The following TLCD3A variants were observed in gnomAD, a reference collection of about 807,000 sequenced individuals.
TLCD3A encodes the protein TLC domain-containing protein 3A.
TLCD3A carries 17 observed loss-of-function variants against 29.9 expected under a neutral mutation model. The observed-to-expected ratio is 0.57, with a 90% CI of 0.39 to 0.85. The LOEUF (loss-of-function observed/expected upper bound fraction) is 0.85, where lower values mean the gene tolerates loss of function less well. Among genes scored for constraint, TLCD3A ranks in the 40% least tolerant of loss-of-function variants. The pLI, the probability that TLCD3A is intolerant of heterozygous loss-of-function variation, is 0.00. For synonymous variants in TLCD3A, 143 were observed against 147.7 expected (o/e 0.97, Z 0.23); for missense variants, 332 against 350.8 (o/e 0.95, Z 0.43).
Position 741,953 on chromosome 17 carries a change from C to G in TLCD3A, c.*383C>G. On this transcript the variant is annotated 3_prime_UTR_variant, in exon 5 of 5. Transcript: ENST00000308278. ...GCGGCTACCCACCTTCCAAACCACT[C>G]AGGACAGTACCCGTGGCACTGGGCC... 3.7e-6 allele frequency: 1 copy of G among 271,676 alleles called. No individual in the cohort carries two copies. The highest frequency in any genetic ancestry group is 5.0e-5 in the Admixed American group (1 of 20,050). 16.8% of individuals were successfully genotyped at this position (271,676 alleles called of 1,614,324 possible).
At position 742,620 on chromosome 17, in the gene TLCD3A, C is replaced by T. The variant is rs1567772561; in HGVS notation, c.*1050C>T. 1 of 152,412 alleles carries T rather than the reference C, an allele frequency of 6.6e-6. No individual in the cohort carries two copies. The highest frequency in any genetic ancestry group is 2.4e-5 in the African/African-American group (1 of 41,454). The allele number at this position is 152,412 out of a possible 1,614,324, so 9.4% of individuals were successfully genotyped here. A position where few individuals can be genotyped will look rare whatever the true frequency, so the allele number is the denominator to read the frequency against. Reference sequence around the variant, plus strand: ...AGCCACAGAAGGCTGCGGAGTGAGGCGGCAGCTAGCCTGGCCAGTGGCTGT... The same window carrying T: ...AGCCACAGAAGGCTGCGGAGTGAGGTGGCAGCTAGCCTGGCCAGTGGCTGT... On this transcript the variant is annotated 3_prime_UTR_variant, in exon 5 of 5. Transcript: ENST00000308278.
intron 1 of TLCD3A, 125 bp downstream of exon 1, chr17:732,894 C>T (rs997988114): frequency 7.3e-7 from 1 of 1,371,476 alleles, no homozygotes; most frequent in Non-Finnish European, 9.4e-7. Context: ...CTCCGCGTCC[C>T]GGCGGCCCGA....
rs1182820893 is a variant in TLCD3A, at chr17:742,073, T to C, written c.*503T>C. On this transcript the variant is annotated 3_prime_UTR_variant, in exon 5 of 5. Coordinates refer to ENST00000308278, the MANE Select transcript of TLCD3A (RefSeq NM_024792.3). Reference sequence around the variant, plus strand: ...TGTGGGTAGGTAGTTATTGATCGTTTACTAGATAACCCATTGGTTCTTTGC... The same window carrying C: ...TGTGGGTAGGTAGTTATTGATCGTTCACTAGATAACCCATTGGTTCTTTGC... 5.9e-6 allele frequency: 1 copy of C among 168,542 alleles called. No individual in the cohort carries two copies. The highest frequency in any genetic ancestry group is 1.8e-4 in the East Asian group (1 of 5,656). The allele number at this position is 168,542 out of a possible 1,614,324, so 10.4% of individuals were successfully genotyped here. A position where few individuals can be genotyped will look rare whatever the true frequency, so the allele number is the denominator to read the frequency against.
At position 740,708 on chromosome 17, in the gene TLCD3A, G is replaced by C. The variant is rs565091996; in HGVS notation, c.504+108G>C. The C allele has an allele frequency of 2.4e-4, 274 of 1,137,160 alleles. 1 individual carries two copies. The African/African-American group carries it at 3.8e-3, about 16-fold the overall frequency. 70.4% of individuals were successfully genotyped at this position (1,137,160 alleles called of 1,614,324 possible). A position where few individuals can be genotyped will look rare whatever the true frequency, so the allele number is the denominator to read the frequency against. ...TGATTCAGGCATGTATGAATGAATGGCAGAGAGAGTGAAGGTTCTGATTCA... is the reference window on the plus strand; with the variant it reads ...TGATTCAGGCATGTATGAATGAATGCCAGAGAGAGTGAAGGTTCTGATTCA... On this transcript the variant is annotated intron_variant, in intron 4 of 4. Coordinates refer to ENST00000308278, the MANE Select transcript of TLCD3A (RefSeq NM_024792.3).
chr17:736,510 G>A (rs1364084501), intron 2 of TLCD3A, among the ~76,000 whole-genome samples: 1 of 152,178 alleles, frequency 6.6e-6, no homozygotes, highest in African/African-American at 2.4e-5. Context: ...GATCAACTAT[G>A]ATTTCCATTC....
intron 2 of TLCD3A, among the ~76,000 whole-genome samples, chr17:735,592 T>C (rs899197015): frequency 6.6e-6 from 1 of 152,146 alleles, no homozygotes. Flanking sequence ...TTATAGGTAT[T>C]TTACTTGAAA....
intron 3 of TLCD3A, among the ~76,000 whole-genome samples, chr17:740,231 C>T (rs1043054122): frequency 3.9e-5 from 6 of 152,168 alleles, no homozygotes; most frequent in African/African-American, 1.4e-4. Context: ...AAGTTCGATA[C>T]ACAAAAGTAG....
At chr17:733,283 A>G in intron 2 of TLCD3A, 102 bp downstream of exon 2, 1 of 1,142,136 alleles carries the variant, frequency 8.8e-7, no homozygotes, top group Non-Finnish European at 1.2e-6. Context: ...CTAATGGGAA[A>G]AGCTGGCACC....
At position 740,459 on chromosome 17, in the gene TLCD3A, T is replaced by C. The variant is rs375081412; in HGVS notation, c.409-46T>C. ...CTCGTTGGAATTTTCCTTCTGGTGG[T>C]TTCTTAACCTCCACTTACTTCCCCT... On this transcript the variant is annotated intron_variant, in intron 3 of 4. Transcript: ENST00000308278. 26 of 1,452,286 alleles carry C rather than the reference T, an allele frequency of 1.8e-5. No homozygotes were observed. In the Middle Eastern group the frequency reaches 5.2e-4, roughly 29 times the overall value. 90.0% of individuals were successfully genotyped at this position (1,452,286 alleles called of 1,614,324 possible).
intron 1 of TLCD3A, 72 bp from the exon 2 acceptor site, chr17:733,026 A>AGGGCCGGGCC (rs3830920): frequency 4.1e-6 from 6 of 1,470,438 alleles, no homozygotes; most frequent in Admixed American, 2.0e-5. Flanking sequence ...GTCAGGCCGA[A>AGGGCCGGGCC]GGGCCGGGCC....
At chr17:738,855 C>T (rs1974204437) in intron 3 of TLCD3A, among the ~76,000 whole-genome samples, 1 of 152,238 alleles carries the variant, frequency 6.6e-6, no homozygotes, top group South Asian at 2.1e-4. Context: ...GCGCGAGCCA[C>T]TGCACCCGGC....
chr17:733,566 A>G (rs1239794393), intron 2 of TLCD3A, among the ~76,000 whole-genome samples: 1 of 152,166 alleles, frequency 6.6e-6, no homozygotes, highest in African/African-American at 2.4e-5. Context: ...ATGGAAAGGA[A>G]CCAACCCACC....
intron 2 of TLCD3A, among the ~76,000 whole-genome samples, chr17:735,606 C>T (rs1364804441): frequency 2.0e-5 from 3 of 152,096 alleles, no homozygotes; most frequent in Non-Finnish European, 4.4e-5. Context: ...CTTGAAATTG[C>T]TTGAAGAAAG....
In TLCD3A at chr17:733,136, CG is replaced by C. The variant is rs1567768712; in HGVS notation, c.165del (p.Ile56SerfsTer10). The C allele has an allele frequency of 6.3e-6, 10 of 1,588,924 alleles. No individual in the cohort carries two copies. The South Asian group carries it at 9.1e-5, about 15-fold the overall frequency. On this transcript the variant is annotated frameshift_variant, in exon 2 of 5. Transcript: ENST00000308278. LOFTEE classifies it high-confidence loss of function. ...SSVHAVLATG[S>X]GIVIIRSCDD... ...GTGCACGCCGTGCTGGCCACCGGCT[CG>C]GGGATCGTCATCATTCGCTCCTGCG... is the stretch of plus-strand genomic sequence containing the variant.
Position 740,762 on chromosome 17 carries a change from T to C in TLCD3A, c.504+162T>C, listed in dbSNP as rs994735901. Among the ~76,000 whole-genome samples the C allele has an allele frequency of 2.8e-4, 42 of 150,086 alleles. 1 individual carries two copies. The highest frequency in any genetic ancestry group is 9.1e-4 in the African/African-American group (37 of 40,572). On this transcript the variant is annotated intron_variant, in intron 4 of 4. Coordinates refer to ENST00000308278, the MANE Select transcript of TLCD3A (RefSeq NM_024792.3). ...ATGTATGAATGAATGGCAGAGAGAG[T>C]GAGGGTTCTGATTCAGGCATGCATG...
At chr17:741,202 G>A in intron 4 of TLCD3A, 99 bp from the exon 5 acceptor site, 2 of 1,250,888 alleles carry the variant, frequency 1.6e-6, no homozygotes, top group Non-Finnish European at 2.3e-6. Context: ...ATGAGCACCT[G>A]CACCTGTGTG....
intron 3 of TLCD3A, among the ~76,000 whole-genome samples, chr17:739,381 G>C (rs966532784): frequency 3.9e-5 from 6 of 152,060 alleles, no homozygotes; most frequent in African/African-American, 1.4e-4. Context: ...TAGAGACGGG[G>C]TTTCACCATA....
intron 1 of TLCD3A, 36 bp downstream of exon 1, chr17:732,805 G>C: frequency 7.0e-7 from 1 of 1,426,844 alleles, no homozygotes; most frequent in South Asian, 1.4e-5. Flanking sequence ...CGAGGCCCGG[G>C]GCGCTGCCCA....
chr17:736,243 CTG>C (rs1974152307), intron 2 of TLCD3A, among the ~76,000 whole-genome samples: 1 of 152,138 alleles, frequency 6.6e-6, no homozygotes, highest in South Asian at 2.1e-4. Context: ...TTTAGAATCT[CTG>C]GGGACTGGAG....
Sources: gnomAD v4.1 joint callset for allele counts (sites outside exome capture counted in the v4.1 genomes callset) on GRCh38, gnomAD v4.1.1 for gene constraint, MANE v1.5 for transcripts, NCBI Gene and HGNC (gene_info 2026-07-23, HGNC 2026-07-21) for gene names.